The following CDK5RAP2 variants were observed in gnomAD, a reference collection of about 807,000 sequenced individuals.
CDK5RAP2 encodes the protein CDK5 regulatory subunit-associated protein 2.
Under a neutral mutation model 232.9 loss-of-function variants are expected in CDK5RAP2, and 147 were observed. The observed-to-expected ratio is 0.63, with a 90% CI of 0.55 to 0.72. The LOEUF is 0.72. Ranked by LOEUF, CDK5RAP2 falls within the 30% of genes least tolerant of loss-of-function variation. CDK5RAP2 has a pLI of 0.00. For synonymous variants in CDK5RAP2, 833 were observed against 833.7 expected (o/e 1.00, Z 0.01); for missense variants, 2,195 against 2,231.5 (o/e 0.98, Z 0.33).
chr9:120,409,061 C>A, intron 30 of CDK5RAP2, 66 bp downstream of exon 30: 1 of 1,507,428 alleles, frequency 6.6e-7, no homozygotes, highest in Non-Finnish European at 9.2e-7. Flanking sequence ...GCTGATTCCA[C>A]GACTGCAGCC....
In CDK5RAP2 at chr9:120,536,440, C is replaced by G. The variant is rs374654660; in HGVS notation, c.594G>C (p.Lys198Asn). 2 of 1,614,094 alleles carry G rather than the reference C, an allele frequency of 1.2e-6. No individual in the cohort carries two copies. Among genetic ancestry groups the G allele is most frequent in the Middle Eastern group, 1.6e-4 (1 of 6,082 alleles). The change falls in exon 7 of 38, where the codon AAG (lysine) becomes AAC (asparagine). Residue 198 changes from lysine (K) to asparagine (N), a missense_variant. Transcript: ENST00000349780. ...CGTGCATCTTCTTCATCTCTGAAAGCTTGCTTTCCAAACGCAACCGAAGAG... is the reference window on the plus strand; with the variant it reads ...CGTGCATCTTCTTCATCTCTGAAAGGTTGCTTTCCAAACGCAACCGAAGAG... Reference protein sequence around the residue: ...EKALRLRLESKLSEMKKMHEG... With the variant: ...EKALRLRLESNLSEMKKMHEG...
intron 1 of CDK5RAP2, among the ~76,000 whole-genome samples, chr9:120,576,428 C>T (rs1277481081): frequency 2.6e-5 from 4 of 152,144 alleles, no homozygotes; most frequent in South Asian, 2.1e-4. Flanking sequence ...GAGGGCCAGG[C>T]GGGGTGGCTC....
rs1424058836 is a variant in CDK5RAP2 at position 120,580,125 on chromosome 9, C to T, written c.-147G>A. 3.4e-6 allele frequency: 2 copies of T among 589,092 alleles called. No homozygotes were observed. The highest frequency in any genetic ancestry group is 6.2e-5 in the Admixed American group (2 of 32,256). The allele number at this position is 589,092 out of a possible 1,614,324, so 36.5% of individuals were successfully genotyped here. A position where few individuals can be genotyped will look rare whatever the true frequency, so the allele number is the denominator to read the frequency against. ...CTGGCGGCGCCGCTGGAATTCAAAC[C>T]ACAGACGCCGCCATCTTTCCCGGCG... On this transcript the variant is annotated 5_prime_UTR_variant, in exon 1 of 38. Coordinates refer to ENST00000349780, the MANE Select transcript of CDK5RAP2 (RefSeq NM_018249.6).
At position 120,447,931 on chromosome 9, in the gene CDK5RAP2, C is replaced by T. The variant is rs781533186; in HGVS notation, c.2989G>A (p.Glu997Lys). The T allele has an allele frequency of 6.2e-7, 1 of 1,614,210 alleles. No homozygotes were observed. Among genetic ancestry groups the T allele is most frequent in the South Asian group, 1.1e-5 (1 of 91,076 alleles). Residue 997 changes from glutamate to lysine, a missense_variant, in exon 22 of 38, where the codon GAG (glutamate) becomes AAG (lysine). Transcript: ENST00000349780. ...GTTTTGTCGGGCGTTGGCCTCCCCT[C>T]CATCACTGCTTCAGCCAGAATTAAC... The part of the protein sequence containing the change: ...QKLILAEAVM[E>K]GRPTPDKTLL...
intron 3 of CDK5RAP2, among the ~76,000 whole-genome samples, chr9:120,554,215 G>A (rs2042144177): frequency 6.6e-6 from 1 of 152,122 alleles, no homozygotes; most frequent in African/African-American, 2.4e-5. Context: ...ATGACAGTAG[G>A]CATAAAGAAG....
intron 14 of CDK5RAP2, 114 bp from the exon 15 acceptor site, chr9:120,477,564 A>T: frequency 1.2e-6 from 1 of 840,424 alleles, no homozygotes; most frequent in Non-Finnish European, 2.0e-6. Context: ...CGAAGGTGAG[A>T]GAGGCCCTGT....
At chr9:120,556,103 T>A (rs2042218713) in intron 3 of CDK5RAP2, among the ~76,000 whole-genome samples, 1 of 152,208 alleles carries the variant, frequency 6.6e-6, no homozygotes, top group Non-Finnish European at 1.5e-5. Flanking sequence ...TTCTATATTC[T>A]GATTGTGGTG....
At chr9:120,442,429 G>A (rs1377113950) in intron 23 of CDK5RAP2, among the ~76,000 whole-genome samples, 36 of 152,154 alleles carry the variant, frequency 2.4e-4, no homozygotes, top group Admixed American at 2.4e-3. Context: ...AAAAGAAACA[G>A]CAATGAAGAT....
chr9:120,487,251 T>C (rs369849932), intron 14 of CDK5RAP2, 43 bp downstream of exon 14: 9 of 1,607,566 alleles, frequency 5.6e-6, no homozygotes, highest in Non-Finnish European at 7.7e-6. Flanking sequence ...AAAAAGTGTA[T>C]GAATCCATTC....
intron 34 of CDK5RAP2, among the ~76,000 whole-genome samples, chr9:120,401,292 G>T (rs1014902012): frequency 1.3e-5 from 2 of 152,144 alleles, no homozygotes; most frequent in East Asian, 3.9e-4. Context: ...CTGCTGTAGT[G>T]AATATGATAT....
intron 11 of CDK5RAP2, among the ~76,000 whole-genome samples, chr9:120,521,676 C>T (rs1191487039): frequency 7.3e-6 from 1 of 137,920 alleles, no homozygotes; most frequent in Non-Finnish European, 1.5e-5. Context: ...GAGACAGTCT[C>T]GCTCTGTTGC....
intron 27 of CDK5RAP2, 120 bp from the exon 28 acceptor site, chr9:120,415,279 A>T: frequency 8.6e-7 from 1 of 1,162,796 alleles, no homozygotes; most frequent in Non-Finnish European, 1.3e-6. Flanking sequence ...ATGGTTAGCA[A>T]CTGGCAATTC....
chr9:120,513,538 G>C (rs564962096), intron 12 of CDK5RAP2, among the ~76,000 whole-genome samples: 8 of 152,206 alleles, frequency 5.3e-5, no homozygotes, highest in African/African-American at 1.9e-4. Flanking sequence ...CTAAACCTTA[G>C]CCTTCTATAC....
chr9:120,435,821 C>T (rs1195843142), intron 25 of CDK5RAP2, among the ~76,000 whole-genome samples: 5 of 152,022 alleles, frequency 3.3e-5, no homozygotes, highest in Non-Finnish European at 7.4e-5. Flanking sequence ...TGATCATAAA[C>T]AAACAAGAAA....
Position 120,529,003 on chromosome 9 carries a change from C to G in CDK5RAP2, c.826-206G>C, listed in dbSNP as rs1262013860. 27 of 606,562 alleles carry G rather than the reference C, an allele frequency of 4.5e-5. 1 individual carries two copies. Among genetic ancestry groups the G allele is most frequent in the East Asian group, 5.6e-5 (2 of 35,890 alleles). The allele number at this position is 606,562 out of a possible 1,614,324, so 37.6% of individuals were successfully genotyped here. On this transcript the variant is annotated intron_variant, in intron 8 of 37. Coordinates refer to ENST00000349780, the MANE Select transcript of CDK5RAP2 (RefSeq NM_018249.6). ...GAAAAATGTGAAGACAACAACCTAC[C>G]CTGGTTGATCACCAGCCCCACAGAG... is the stretch of plus-strand genomic sequence containing the variant.
Position 120,437,539 on chromosome 9 carries a change from G to C in CDK5RAP2, c.3723-12C>G, listed in dbSNP as rs1411079936. On this transcript the variant is annotated splice_polypyrimidine_tract_variant and intron_variant, in intron 24 of 37. Coordinates refer to ENST00000349780, the MANE Select transcript of CDK5RAP2 (RefSeq NM_018249.6). ...CTAATGAATCGTATCTGATAAAAGA[G>C]GGGAAAGAAAATACTTGGACCATTT... 6.3e-7 allele frequency: 1 copy of C among 1,592,752 alleles called. No homozygotes were observed. The highest frequency in any genetic ancestry group is 8.6e-7 in the Non-Finnish European group (1 of 1,160,588).
At chr9:120,433,840 C>CA (rs2035421017) in intron 25 of CDK5RAP2, among the ~76,000 whole-genome samples, 1 of 152,230 alleles carries the variant, frequency 6.6e-6, no homozygotes, top group Non-Finnish European at 1.5e-5. Flanking sequence ...CACTGGGCCA[C>CA]ACTCTCCACA....
At chr9:120,413,189 C>A (rs1271194094) in intron 28 of CDK5RAP2, among the ~76,000 whole-genome samples, 1 of 152,178 alleles carries the variant, frequency 6.6e-6, no homozygotes, top group Non-Finnish European at 1.5e-5. Flanking sequence ...TATTTCTTGG[C>A]AAAGAAATAG....
At chr9:120,536,570 T>C (rs751620281) in intron 6 of CDK5RAP2, 44 bp from the exon 7 acceptor site, 18 of 1,580,502 alleles carry the variant, frequency 1.1e-5, no homozygotes, top group African/African-American at 5.4e-5. Context: ...TTCAATACAA[T>C]TGGGAACATT....
Sources: allele counts gnomAD v4.1 joint callset (sites outside exome capture counted in the v4.1 genomes callset), GRCh38; gene constraint gnomAD v4.1.1; transcripts MANE v1.5; gene names NCBI Gene and HGNC (gene_info 2026-07-23, HGNC 2026-07-21).